The following TMEM63A variants were observed in gnomAD, a reference collection of about 807,000 sequenced individuals.
TMEM63A encodes transmembrane protein 63A.
TMEM63A carries 76 observed loss-of-function variants against 100.6 expected under a neutral mutation model. That is an observed-to-expected ratio of 0.76 (90% CI 0.63 to 0.91). The LOEUF is 0.91. Among genes scored for constraint, TMEM63A ranks in the 40% least tolerant of loss-of-function variants. TMEM63A has a pLI of 0.00. For synonymous variants in TMEM63A, 401 were observed against 401.1 expected, an observed-to-expected ratio of 1.00 and a Z score of 0.00; for missense variants, 876 against 1,008.8, an observed-to-expected ratio of 0.87 and a Z score of 1.78.
chr1:225,869,464 C>A (rs1288082231), intron 6 of TMEM63A, among the ~76,000 whole-genome samples: 1 of 151,914 alleles, frequency 6.6e-6, no homozygotes, highest in Non-Finnish European at 1.5e-5. Flanking sequence ...GGGAACAACT[C>A]CTACCAAACC....
At chr1:225,869,129 G>A (rs1004277282) in intron 6 of TMEM63A, among the ~76,000 whole-genome samples, 5 of 152,162 alleles carry the variant, frequency 3.3e-5, no homozygotes, top group African/African-American at 4.8e-5. Flanking sequence ...GTAATCCAGC[G>A]CAGCGGCCTC....
At chr1:225,861,606 G>C (rs1669940639) in intron 13 of TMEM63A, 1 of 155,758 alleles carries the variant, frequency 6.4e-6, no homozygotes, top group Admixed American at 6.2e-5. Flanking sequence ...ACAATGCCTG[G>C]GGCAGTGGCT....
chr1:225,859,409 TG>T (rs1026479704), intron 14 of TMEM63A, 60 bp from the exon 15 acceptor site: 13 of 1,599,780 alleles, frequency 8.1e-6, no homozygotes, highest in African/African-American at 1.3e-5. Context: ...GTGGCTTAGG[TG>T]GGTCAGAAGG....
At chr1:225,844,145 C>T (rs190207480), downstream of TMEM63A, among the ~76,000 whole-genome samples, 17 of 152,232 alleles carry the variant, frequency 1.1e-4, no homozygotes, top group Admixed American at 9.2e-4. Context: ...TTAGAACATG[C>T]TGCCTGGTAT....
intron 3 of TMEM63A, among the ~76,000 whole-genome samples, chr1:225,876,504 C>T (rs1318674027): frequency 2.0e-5 from 3 of 152,160 alleles, no homozygotes; most frequent in African/African-American, 7.2e-5. Context: ...CACTTTAACC[C>T]CAATAAATCT....
rs373716572 is a variant in TMEM63A at position 225,867,997 on chromosome 1, G to A, written c.405C>T (p.Asp135=). The A allele has an allele frequency of 2.0e-5, 32 of 1,614,004 alleles. No individual in the cohort carries two copies. The highest frequency in any genetic ancestry group is 1.1e-4 in the East Asian group (5 of 44,890). Residue 135 remains aspartate, a synonymous_variant, in exon 7 of 25, where the codon GAC becomes GAT. Coordinates refer to ENST00000366835, the MANE Select transcript of TMEM63A (RefSeq NM_014698.3). The surrounding 1 kb of genome is among the most constrained non-coding windows in gnomAD (Gnocchi z 4.6). The stretch of plus-strand genomic sequence containing the variant: ...TCTGGAAGGACAGGTAGTGGATGGC[G>A]TCCTCCCCACACCATTCCAGGATCT... ...DDQILEWCGE[D]AIHYLSFQRH... is the part of the protein sequence containing the mutation.
At chr1:225,851,145 G>C (rs1024462606) in intron 20 of TMEM63A, among the ~76,000 whole-genome samples, 1 of 152,138 alleles carries the variant, frequency 6.6e-6, no homozygotes, top group African/African-American at 2.4e-5. Flanking sequence ...CTGTTTCACA[G>C]TTGGATGCCT....
Position 225,865,076 on chromosome 1 carries a change from C to T in TMEM63A, c.746+821G>A, listed in dbSNP as rs1325460891. The T allele has an allele frequency of 6.6e-6, 1 of 152,008 alleles. No homozygotes were observed. Among genetic ancestry groups the T allele is most frequent in the Non-Finnish European group, 1.5e-5 (1 of 68,038 alleles). 9.4% of individuals were successfully genotyped at this position (152,008 alleles called of 1,614,324 possible). ...TTGAGGCCGCAGTAAGCTATTATTGCACTACTGAACTCTAGCCTGGGCAAC... is the reference window on the plus strand; with the variant it reads ...TTGAGGCCGCAGTAAGCTATTATTGTACTACTGAACTCTAGCCTGGGCAAC... On this transcript the variant is annotated intron_variant, in intron 10 of 24. Coordinates refer to ENST00000366835, the MANE Select transcript of TMEM63A (RefSeq NM_014698.3). This position sits in a 1 kb window ranked among gnomAD's most constrained non-coding sequence, Gnocchi z 4.6.
At position 225,868,003 on chromosome 1, in the gene TMEM63A, C is replaced by T. The variant is rs1670300424; in HGVS notation, c.399G>A (p.Gly133=). The part of the protein sequence containing the change: ...LHDDQILEWC[G]EDAIHYLSFQ... ...AGGACAGGTAGTGGATGGCGTCCTC[C>T]CCACACCATTCCAGGATCTGGTCAT... is the stretch of plus-strand genomic sequence containing the variant. The change falls in exon 7 of 25, where the codon GGG becomes GGA. Residue 133 remains glycine, a synonymous_variant. Transcript: ENST00000366835. The T allele has an allele frequency of 6.2e-7, 1 of 1,614,142 alleles. No homozygotes were observed. Among genetic ancestry groups the T allele is most frequent in the Non-Finnish European group, 8.5e-7 (1 of 1,180,034 alleles).
At chr1:225,872,079 G>A (rs375232428) in intron 4 of TMEM63A, 26 bp from the exon 5 acceptor site, 4 of 1,503,912 alleles carry the variant, frequency 2.7e-6, no homozygotes, top group South Asian at 1.2e-5. Flanking sequence ...GAAAAAAAAT[G>A]ACAGATAATT....
chr1:225,855,754 G>T, intron 18 of TMEM63A, 124 bp downstream of exon 18: 2 of 942,972 alleles, frequency 2.1e-6, no homozygotes, highest in East Asian at 2.7e-5. Flanking sequence ...CTGCTGTCTG[G>T]GGAGGAAGAT....
intron 17 of TMEM63A, among the ~76,000 whole-genome samples, chr1:225,856,290 G>A (rs1046537808): frequency 2.0e-5 from 3 of 149,488 alleles, no homozygotes; most frequent in Admixed American, 6.6e-5. Context: ...GATTACAGGC[G>A]TGAGCCACTG....
chr1:225,856,847 G>T, intron 16 of TMEM63A, 64 bp downstream of exon 16: 1 of 1,586,786 alleles, frequency 6.3e-7, no homozygotes, highest in South Asian at 1.1e-5. Context: ...GTTAGGGTGT[G>T]GACAAGGGAG....
Position 225,866,615 on chromosome 1 carries a change from G to T in TMEM63A, c.634C>A (p.Arg212=), listed in dbSNP as rs760049167. The T allele has an allele frequency of 5.0e-6, 8 of 1,613,932 alleles. No homozygotes were observed. Among genetic ancestry groups the T allele is most frequent in the Non-Finnish European group, 6.8e-6 (8 of 1,179,886 alleles). The change falls in exon 9 of 25, where the codon CGG becomes AGG. Residue 212 remains arginine (R), a synonymous_variant. Transcript: ENST00000366835. ...IYLFLTVGFM[R]HHTQSIKYKE... ...TACTTAATGGACTGAGTGTGGTGCC[G>T]CATGAAACCCACAGTGAGGAAGAGG...
chr1:225,852,844 A>G lies in TMEM63A; in HGVS notation c.1798-75T>C, dbSNP rs1669419959. The G allele has an allele frequency of 6.8e-6, 9 of 1,330,896 alleles. No homozygotes were observed. The South Asian group carries it at 9.6e-5, about 14-fold the overall frequency. The allele number at this position is 1,330,896 out of a possible 1,614,324, so 82.4% of individuals were successfully genotyped here. The stretch of plus-strand genomic sequence containing the variant: ...ACCCTTTTGTGCTCTCTAAGTGGTG[A>G]TGGGAGAGCAGGGTGGAGGAGGACT... On this transcript the variant is annotated intron_variant, in intron 19 of 24. Coordinates refer to ENST00000366835, the MANE Select transcript of TMEM63A (RefSeq NM_014698.3).
chr1:225,877,395 C>T lies in TMEM63A; in HGVS notation c.186G>A (p.Leu62=). Residue 62 remains leucine (L), a splice_region_variant and synonymous_variant, in exon 3 of 25, where the codon CTG becomes CTA. Coordinates refer to ENST00000366835, the MANE Select transcript of TMEM63A (RefSeq NM_014698.3). ...TVLLIDVSCF[L]FLILVFSIIR... ...GGACACGACTCATGAGGGCTCTCAC[C>T]AGGAAGCAGCTGACGTCTATGAGCA... 1 of 1,610,582 alleles carries T rather than the reference C, an allele frequency of 6.2e-7. No individual in the cohort carries two copies. The highest frequency in any genetic ancestry group is 8.5e-7 in the Non-Finnish European group (1 of 1,177,334).
rs777943882 is a variant in TMEM63A at position 225,849,967 on chromosome 1, C to T, written c.2016G>A (p.Leu672=). Residue 672 remains leucine (L), a synonymous_variant, in exon 21 of 25, where the codon TTG becomes TTA. Transcript: ENST00000366835. ...GIHFAAVNQA[L]AAPILCLFWL... ...AGAAGAGGCACAGGATGGGGGCTGCCAAGGCCTGGTTCACAGCGGCAAAGT... is the reference window on the plus strand; with the variant it reads ...AGAAGAGGCACAGGATGGGGGCTGCTAAGGCCTGGTTCACAGCGGCAAAGT... 3 of 1,614,226 alleles carry T rather than the reference C, an allele frequency of 1.9e-6. No homozygotes were observed. In the South Asian group the frequency reaches 3.3e-5, roughly 18 times the overall value.
intron 21 of TMEM63A, among the ~76,000 whole-genome samples, 172 bp downstream of exon 21, chr1:225,849,740 C>T (rs1285903231): frequency 1.3e-5 from 2 of 152,208 alleles, no homozygotes; most frequent in Non-Finnish European, 2.9e-5. Context: ...GTAACCAACC[C>T]TCATTCTGGG....
At chr1:225,850,487 A>G (rs2102663) in intron 20 of TMEM63A, among the ~76,000 whole-genome samples, 1 of 151,896 alleles carries the variant, frequency 6.6e-6, no homozygotes, top group Admixed American at 6.5e-5. Context: ...TAGCTTGTTT[A>G]CTCATGTGGT....
Sources: gnomAD v4.1 joint callset for allele counts (sites outside exome capture counted in the v4.1 genomes callset) on GRCh38, gnomAD v4.1.1 for gene constraint, Gnocchi (gnomAD v3.1) non-coding constraint, MANE v1.5 for transcripts, NCBI Gene and HGNC (gene_info 2026-07-23, HGNC 2026-07-21) for gene names.